FHOD3: variants seen among roughly 807,000 people sequenced by gnomAD.
FHOD3 encodes FH1/FH2 domain-containing protein 3.
FHOD3 carries 90 observed loss-of-function variants against 173.0 expected under a neutral mutation model. The observed-to-expected ratio is 0.52, with a 90% confidence interval of 0.44 to 0.62. FHOD3 has a LOEUF of 0.62. Among genes scored for constraint, FHOD3 ranks in the 20% least tolerant of loss-of-function variants. The pLI, the probability that FHOD3 is intolerant of heterozygous loss-of-function variation, is 0.00. For missense variants in FHOD3, 1,945 were observed against 2,034.7 expected, an observed-to-expected ratio of 0.96 and a Z score of 0.85; for synonymous variants, 828 against 823.0, an observed-to-expected ratio of 1.01 and a Z score of -0.10.
intron 27 of FHOD3, among the ~76,000 whole-genome samples, chr18:36,766,241 T>C (rs2043133840): frequency 6.6e-6 from 1 of 152,200 alleles, no homozygotes; most frequent in Non-Finnish European, 1.5e-5. Context: ...CTTTCAGAAA[T>C]GAAAGCAAAC....
chr18:36,606,050 C>T (rs551793478), intron 8 of FHOD3, among the ~76,000 whole-genome samples: 1 of 152,206 alleles, frequency 6.6e-6, no homozygotes, highest in East Asian at 1.9e-4. Flanking sequence ...GTGAGGCTGG[C>T]TTAGGGTGTT....
intron 3 of FHOD3, among the ~76,000 whole-genome samples, chr18:36,465,613 A>G (rs1286068854): frequency 6.6e-6 from 1 of 152,068 alleles, no homozygotes; most frequent in Non-Finnish European, 1.5e-5. Flanking sequence ...ATGGCTTCCT[A>G]ATGATTCTAG....
intron 1 of FHOD3, among the ~76,000 whole-genome samples, chr18:36,339,123 T>C (rs889368350): frequency 1.3e-5 from 2 of 152,098 alleles, no homozygotes; most frequent in African/African-American, 4.8e-5. Flanking sequence ...AAATGTGCCA[T>C]GTCCCGGGCC....
intron 1 of FHOD3, among the ~76,000 whole-genome samples, chr18:36,328,056 C>T (rs1239862905): frequency 6.6e-6 from 1 of 152,190 alleles, no homozygotes; most frequent in African/African-American, 2.4e-5. Flanking sequence ...GGAAGCTTTC[C>T]ACTTTATCTG....
chr18:36,427,235 A>G (rs2050293986), intron 3 of FHOD3, among the ~76,000 whole-genome samples: 1 of 149,256 alleles, frequency 6.7e-6, no homozygotes, highest in Non-Finnish European at 1.5e-5. Context: ...GAGAAAGATC[A>G]CACTGCCAGC....
chr18:36,354,539 C>A (rs374962119), intron 1 of FHOD3, among the ~76,000 whole-genome samples: 1 of 152,130 alleles, frequency 6.6e-6, no homozygotes, highest in Admixed American at 6.5e-5. Flanking sequence ...TGGTGGCTCA[C>A]GCCTGTAATT....
At chr18:36,420,962 T>A (rs2049953964) in intron 3 of FHOD3, among the ~76,000 whole-genome samples, 1 of 152,208 alleles carries the variant, frequency 6.6e-6, no homozygotes. Context: ...ACTGTCTCTT[T>A]CACCCCCACC....
chr18:36,740,986 C>T, intron 21 of FHOD3, 148 bp downstream of exon 21: 1 of 724,654 alleles, frequency 1.4e-6, no homozygotes, highest in Admixed American at 3.5e-5. Context: ...GTGTGTACAC[C>T]AAGTGATCAG....
At chr18:36,618,153 CAATG>C (rs1022824696) in intron 9 of FHOD3, among the ~76,000 whole-genome samples, 2 of 151,112 alleles carry the variant, frequency 1.3e-5, no homozygotes, top group African/African-American at 4.9e-5. Context: ...TTTTGTAACT[CAATG>C]TTTTGCTATT....
intron 1 of FHOD3, among the ~76,000 whole-genome samples, chr18:36,304,348 C>T (rs1266061903): frequency 6.6e-6 from 1 of 152,110 alleles, no homozygotes; most frequent in East Asian, 1.9e-4. Flanking sequence ...ACAGGATAGA[C>T]TGTGAGTTAA....
At chr18:36,469,645 A>C (rs547351324) in intron 3 of FHOD3, among the ~76,000 whole-genome samples, 1 of 152,340 alleles carries the variant, frequency 6.6e-6, no homozygotes, top group African/African-American at 2.4e-5. Context: ...ATGCTGGCAC[A>C]AAAATAACTT....
intron 1 of FHOD3, among the ~76,000 whole-genome samples, chr18:36,328,962 G>A (rs181790240): frequency 1.6e-4 from 24 of 152,296 alleles, no homozygotes; most frequent in Admixed American, 6.5e-4. Context: ...TCAGGCTGGA[G>A]CCATACAGTG....
At chr18:36,599,106 C>A (rs1249479594) in intron 7 of FHOD3, among the ~76,000 whole-genome samples, 1 of 152,208 alleles carries the variant, frequency 6.6e-6, no homozygotes, top group Non-Finnish European at 1.5e-5. Context: ...TGGAGACTCC[C>A]TTTCCTTAAG....
chr18:36,345,332 CCAGTGAAAT>C (rs758944383), intron 1 of FHOD3, among the ~76,000 whole-genome samples: 21 of 151,784 alleles, frequency 1.4e-4, no homozygotes, highest in Non-Finnish European at 2.8e-4. Flanking sequence ...AGAAGAAATC[CCAGTGAAAT>C]TTAGAAATTA....
intron 5 of FHOD3, among the ~76,000 whole-genome samples, chr18:36,553,624 C>A (rs1432308939): frequency 1.3e-5 from 2 of 152,134 alleles, no homozygotes; most frequent in African/African-American, 2.4e-5. Flanking sequence ...TTATAGTATT[C>A]TCTGATGGTA....
chr18:36,614,292 G>A (rs36075952), intron 9 of FHOD3, among the ~76,000 whole-genome samples: 1,787 of 152,250 alleles, frequency 0.012, 29 homozygotes, highest in African/African-American at 0.041. Flanking sequence ...TTCACTTAGC[G>A]TGTTTTCAAG....
intron 3 of FHOD3, among the ~76,000 whole-genome samples, chr18:36,452,165 G>T (rs1471541977): frequency 6.6e-6 from 1 of 152,062 alleles, no homozygotes; most frequent in Non-Finnish European, 1.5e-5. Flanking sequence ...CATTTTTTTG[G>T]TGCCACAAAT....
At chr18:36,720,569 A>G (rs1272162878) in intron 19 of FHOD3, among the ~76,000 whole-genome samples, 1 of 152,016 alleles carries the variant, frequency 6.6e-6, no homozygotes, top group African/African-American at 2.4e-5. Context: ...GCAGCCTGAC[A>G]TTTAGGAGAA....
chr18:36,642,496 G>C (rs1417198108), intron 10 of FHOD3, among the ~76,000 whole-genome samples: 1 of 145,286 alleles, frequency 6.9e-6, no homozygotes, highest in Non-Finnish European at 1.5e-5. Context: ...GCGGGTGCCT[G>C]TAGTTCCAGC....
Sources: allele counts gnomAD v4.1 joint callset (sites outside exome capture counted in the v4.1 genomes callset), GRCh38; gene constraint gnomAD v4.1.1; transcripts MANE v1.5; gene names NCBI Gene and HGNC (gene_info 2026-07-23, HGNC 2026-07-21).